Variants in ADCY2 observed in about 807,000 individuals in gnomAD.
ADCY2 encodes adenylate cyclase type 2.
A neutral mutation model predicts 125.2 loss-of-function variants in ADCY2; 31 were observed. The observed-to-expected ratio is 0.25, with a 90% CI of 0.19 to 0.33. The LOEUF (loss-of-function observed/expected upper bound fraction) is 0.33. ADCY2 is among the 10% of genes least tolerant of loss of function. The pLI, the probability that ADCY2 is intolerant of heterozygous loss-of-function variation, is 1.00. For synonymous variants in ADCY2, 512 were observed against 548.4 expected (o/e 0.93, Z 0.93); for missense variants, 904 against 1,418.2 (o/e 0.64, Z 5.82).
At chr5:7,806,217 C>T (rs755659713) in intron 22 of ADCY2, among the ~76,000 whole-genome samples, 41 of 152,128 alleles carry the variant, frequency 2.7e-4, no homozygotes, top group Admixed American at 6.5e-4. Flanking sequence ...ATTTATAACC[C>T]AAACCAGAAC....
intron 19 of ADCY2, among the ~76,000 whole-genome samples, chr5:7,788,965 C>A (rs900867087): frequency 6.6e-6 from 1 of 152,178 alleles, no homozygotes; most frequent in Non-Finnish European, 1.5e-5. Flanking sequence ...GTAATTGGGC[C>A]TCTCCATTCC....
At chr5:7,826,670 T>A in intron 24 of ADCY2, 49 bp from the exon 25 acceptor site, 1 of 1,613,448 alleles carries the variant, frequency 6.2e-7, no homozygotes, top group Non-Finnish European at 8.5e-7. Context: ...AGATGGGTTG[T>A]ATCAATGTAT....
intron 4 of ADCY2, among the ~76,000 whole-genome samples, chr5:7,634,139 A>T (rs1579258392): frequency 6.6e-6 from 1 of 152,272 alleles, no homozygotes; most frequent in East Asian, 1.9e-4. Flanking sequence ...GGCATTTTGA[A>T]CTTACTTTCA....
intron 13 of ADCY2, 72 bp from the exon 14 acceptor site, chr5:7,727,092 T>C (rs918455891): frequency 3.2e-5 from 37 of 1,157,710 alleles, no homozygotes; most frequent in Non-Finnish European, 4.0e-5. Flanking sequence ...TGGGTACAAC[T>C]AGGCTGCTGG....
intron 1 of ADCY2, among the ~76,000 whole-genome samples, chr5:7,408,713 A>G (rs528493912): frequency 8.5e-5 from 13 of 152,262 alleles, no homozygotes; most frequent in Non-Finnish European, 1.5e-4. Flanking sequence ...ACAAAAAACC[A>G]AAAACAAAAA....
intron 12 of ADCY2, among the ~76,000 whole-genome samples, chr5:7,718,995 A>T (rs1252838570): frequency 7.1e-6 from 1 of 140,992 alleles, no homozygotes; most frequent in East Asian, 1.9e-4. Flanking sequence ...AGCAAATAAT[A>T]ATAATAATAA....
Position 7,524,622 on chromosome 5 carries a change from T to G in ADCY2, c.570+3723T>G, listed in dbSNP as rs1350649235. ...CTATGATCCTAACACTTTTGAAGAT[T>G]GCAGGACCGTTATTTTGTAATATGT... On this transcript the variant is annotated intron_variant, in intron 3 of 24. Transcript: ENST00000338316. 2.0e-5 allele frequency among the ~76,000 whole-genome samples: 3 copies of G among 152,244 alleles called. No homozygotes were observed. In the East Asian group the frequency reaches 5.8e-4, roughly 29 times the overall value.
chr5:7,599,460 A>G (rs897820655), intron 3 of ADCY2, among the ~76,000 whole-genome samples: 3 of 152,132 alleles, frequency 2.0e-5, no homozygotes, highest in Non-Finnish European at 2.9e-5. Context: ...ATGCATAGAG[A>G]GAATGGAGGC....
At chr5:7,761,148 CTTTTTT>C (rs367998018) in intron 16 of ADCY2, among the ~76,000 whole-genome samples, 3 of 88,176 alleles carry the variant, frequency 3.4e-5, no homozygotes, top group African/African-American at 9.3e-5. Flanking sequence ...CTTTTCTTTT[CTTTTTT>C]TTTTTTTTTT....
chr5:7,531,536 G>A (rs1178433774), intron 3 of ADCY2, among the ~76,000 whole-genome samples: 1 of 152,110 alleles, frequency 6.6e-6, no homozygotes, highest in Non-Finnish European at 1.5e-5. Flanking sequence ...TCAAAACCAA[G>A]GTGTTAGCAG....
intron 3 of ADCY2, among the ~76,000 whole-genome samples, chr5:7,571,392 G>A (rs1338543263): frequency 6.6e-6 from 1 of 152,100 alleles, no homozygotes; most frequent in Non-Finnish European, 1.5e-5. Flanking sequence ...CAGCTCAAGC[G>A]AAGGGAGAAC....
At chr5:7,447,858 C>G (rs182471896) in intron 2 of ADCY2, among the ~76,000 whole-genome samples, 5 of 152,088 alleles carry the variant, frequency 3.3e-5, no homozygotes, top group Non-Finnish European at 7.4e-5. Context: ...TCCAAAAGGC[C>G]GGAGCAGAGC....
At chr5:7,765,763 T>C (rs1272791218) in intron 16 of ADCY2, among the ~76,000 whole-genome samples, 1 of 152,180 alleles carries the variant, frequency 6.6e-6, no homozygotes, top group African/African-American at 2.4e-5. Context: ...ACACAAGCTG[T>C]TTAATAGGTT....
chr5:7,550,101 T>TAATCCTCACCCACTATGGCCC (rs1385683641), intron 3 of ADCY2, among the ~76,000 whole-genome samples: 4 of 152,120 alleles, frequency 2.6e-5, no homozygotes, highest in African/African-American at 9.7e-5. Context: ...GAATACAGAT[T>TAATCCTCACCCACTATGGCCC]AATCCTCACC....
chr5:7,415,798 CA>C (rs1739918319), intron 2 of ADCY2, among the ~76,000 whole-genome samples: 1 of 152,072 alleles, frequency 6.6e-6, no homozygotes, highest in African/African-American at 2.4e-5. Flanking sequence ...ATTCATCTGA[CA>C]GCGTGATAAA....
chr5:7,459,217 A>G (rs1171638248), intron 2 of ADCY2, among the ~76,000 whole-genome samples: 3 of 152,182 alleles, frequency 2.0e-5, no homozygotes, highest in Admixed American at 1.3e-4. Context: ...CATCAAGTCC[A>G]CTAGCAATGC....
chr5:7,496,105 T>C (rs770615553), intron 2 of ADCY2, among the ~76,000 whole-genome samples: 21 of 152,176 alleles, frequency 1.4e-4, no homozygotes, highest in African/African-American at 4.3e-4. Context: ...CTAAGACTTA[T>C]GATTTTTCAT....
chr5:7,599,846 A>C (rs1269064203), intron 3 of ADCY2, among the ~76,000 whole-genome samples: 2 of 152,224 alleles, frequency 1.3e-5, no homozygotes, highest in Non-Finnish European at 2.9e-5. Flanking sequence ...AGTCTCCAAG[A>C]AACACAGGAA....
chr5:7,547,285 A>G (rs1735176572), intron 3 of ADCY2, among the ~76,000 whole-genome samples: 1 of 152,196 alleles, frequency 6.6e-6, no homozygotes, highest in Non-Finnish European at 1.5e-5. Flanking sequence ...CTATGAATTC[A>G]TAACCTAATG....
Sources: gnomAD v4.1 joint callset for allele counts (sites outside exome capture counted in the v4.1 genomes callset) on GRCh38, gnomAD v4.1.1 for gene constraint, MANE v1.5 for transcripts, NCBI Gene and HGNC (gene_info 2026-07-23, HGNC 2026-07-21) for gene names.